Variants in NKAIN2 observed in about 807,000 individuals in gnomAD.
The protein encoded by NKAIN2 is sodium/potassium-transporting ATPase subunit beta-1-interacting protein 2.
Under a neutral mutation model 32.6 loss-of-function variants are expected in NKAIN2, and 14 were observed. The observed-to-expected ratio is 0.43, with a 90% CI of 0.28 to 0.67. NKAIN2 has a LOEUF of 0.67. Ranked by LOEUF, NKAIN2 falls within the 30% of genes least tolerant of loss-of-function variation. The pLI, the probability that NKAIN2 is intolerant of heterozygous loss-of-function variation, is 0.17. For synonymous variants in NKAIN2, 80 were observed against 87.2 expected (o/e 0.92, Z 0.46); for missense variants, 198 against 258.3 (o/e 0.77, Z 1.60).
At chr6:123,996,916 G>A (rs1379177990) in intron 1 of NKAIN2, among the ~76,000 whole-genome samples, 1 of 151,976 alleles carries the variant, frequency 6.6e-6, no homozygotes, top group African/African-American at 2.4e-5. Flanking sequence ...TTTTTTGAAT[G>A]GAAAAATAAC....
intron 1 of NKAIN2, among the ~76,000 whole-genome samples, chr6:124,034,611 C>T (rs1781533523): frequency 1.3e-5 from 2 of 152,002 alleles, no homozygotes; most frequent in South Asian, 2.1e-4. Flanking sequence ...GATAGAATTA[C>T]TTCTTTTCCT....
intron 3 of NKAIN2, among the ~76,000 whole-genome samples, chr6:124,597,350 A>G (rs1782133063): frequency 1.3e-5 from 2 of 151,814 alleles, no homozygotes; most frequent in African/African-American, 4.8e-5. Context: ...TATTTGGGAC[A>G]CACTTATACT....
chr6:124,327,315 A>G (rs568833729), intron 2 of NKAIN2, among the ~76,000 whole-genome samples: 145 of 151,854 alleles, frequency 9.5e-4, no homozygotes, highest in African/African-American at 3.4e-3. Flanking sequence ...TATATCTTCT[A>G]TTTTTTCTTT....
rs111982934 is a variant in NKAIN2, at chr6:124,056,445, A to G, written c.55-226560A>G. On this transcript the variant is annotated intron_variant, in intron 1 of 6. Transcript: ENST00000368417. ...GATATAGCCAAAAAGAAAAAAAAAGATAAAGGCCAGTTCTTGTGACATTTA... is the reference window on the plus strand; with the variant it reads ...GATATAGCCAAAAAGAAAAAAAAAGGTAAAGGCCAGTTCTTGTGACATTTA... Among the ~76,000 whole-genome samples the G allele has an allele frequency of 4.9e-4, 74 of 152,116 alleles. 1 individual carries two copies. The highest frequency in any genetic ancestry group is 1.7e-3 in the African/African-American group (72 of 41,534).
intron 1 of NKAIN2, among the ~76,000 whole-genome samples, chr6:124,206,924 T>G (rs2114645310): frequency 6.6e-6 from 1 of 151,870 alleles, no homozygotes; most frequent in Admixed American, 6.6e-5. Context: ...GGGATTAACA[T>G]CTCATATCTC....
At chr6:124,324,744 T>A (rs1005536525) in intron 2 of NKAIN2, among the ~76,000 whole-genome samples, 1 of 152,054 alleles carries the variant, frequency 6.6e-6, no homozygotes, top group African/African-American at 2.4e-5. Flanking sequence ...GAAATTCACC[T>A]ATATTTGTAT....
chr6:124,501,375 C>G (rs1778284191), intron 3 of NKAIN2, among the ~76,000 whole-genome samples: 1 of 152,164 alleles, frequency 6.6e-6, no homozygotes, highest in East Asian at 1.9e-4. Context: ...CATGTTAGAA[C>G]AGTGCCTGCC....
intron 1 of NKAIN2, among the ~76,000 whole-genome samples, chr6:123,951,824 C>G (rs1406792562): frequency 1.3e-5 from 2 of 151,312 alleles, no homozygotes; most frequent in African/African-American, 2.4e-5. Context: ...AGGTTTTATT[C>G]CTATACTTTT....
intron 3 of NKAIN2, among the ~76,000 whole-genome samples, chr6:124,486,407 G>A (rs1777651714): frequency 6.6e-6 from 1 of 152,134 alleles, no homozygotes; most frequent in Non-Finnish European, 1.5e-5. Context: ...TGTATGAAAT[G>A]TTTCTGGCAC....
intron 4 of NKAIN2, among the ~76,000 whole-genome samples, chr6:124,773,369 T>C (rs1778847985): frequency 6.6e-6 from 1 of 152,094 alleles, no homozygotes; most frequent in African/African-American, 2.4e-5. Flanking sequence ...AAGATTTGCA[T>C]TTCTTTTTTC....
chr6:124,142,783 G>A (rs948079761), intron 1 of NKAIN2, among the ~76,000 whole-genome samples: 1 of 152,042 alleles, frequency 6.6e-6, no homozygotes, highest in South Asian at 2.1e-4. Flanking sequence ...TATTTCTAAA[G>A]CATTCATTTT....
intron 3 of NKAIN2, among the ~76,000 whole-genome samples, chr6:124,589,170 T>C (rs1189000903): frequency 2.6e-5 from 4 of 152,168 alleles, no homozygotes; most frequent in Non-Finnish European, 1.5e-5. Flanking sequence ...AAAATATGTA[T>C]GCTTTAACAG....
chr6:124,352,812 C>T (rs1377439724), intron 2 of NKAIN2, among the ~76,000 whole-genome samples: 1 of 152,192 alleles, frequency 6.6e-6, no homozygotes, highest in Non-Finnish European at 1.5e-5. Context: ...AAGTTCCTCT[C>T]TTGCTACAGC....
intron 3 of NKAIN2, among the ~76,000 whole-genome samples, chr6:124,482,077 A>C (rs1221509067): frequency 1.3e-5 from 2 of 152,180 alleles, no homozygotes; most frequent in African/African-American, 4.8e-5. Context: ...TAAACCCTCA[A>C]AAATTTATCT....
At chr6:124,802,795 T>G (rs1780321295) in intron 5 of NKAIN2, among the ~76,000 whole-genome samples, 1 of 152,162 alleles carries the variant, frequency 6.6e-6, no homozygotes, top group South Asian at 2.1e-4. Flanking sequence ...AAAAGTTTTC[T>G]TCACCCTTAT....
chr6:123,971,794 C>T (rs1043619900), intron 1 of NKAIN2, among the ~76,000 whole-genome samples: 1 of 152,060 alleles, frequency 6.6e-6, no homozygotes, highest in Non-Finnish European at 1.5e-5. Context: ...AAGTTTGGCT[C>T]TTGTTTATAA....
chr6:124,393,490 C>A (rs6922519), intron 3 of NKAIN2, among the ~76,000 whole-genome samples: 3 of 152,068 alleles, frequency 2.0e-5, no homozygotes, highest in African/African-American at 7.2e-5. Context: ...TACAGACAAA[C>A]GCTTCTTCTC....
chr6:124,308,097 GC>G (rs1796579148), intron 2 of NKAIN2, among the ~76,000 whole-genome samples: 1 of 152,012 alleles, frequency 6.6e-6, no homozygotes, highest in South Asian at 2.1e-4. Flanking sequence ...TAGGTTTTAA[GC>G]CCCGCATGCA....
intron 3 of NKAIN2, among the ~76,000 whole-genome samples, chr6:124,546,967 A>G (rs1229745482): frequency 1.3e-5 from 2 of 152,228 alleles, no homozygotes; most frequent in Admixed American, 6.5e-5. Context: ...TGTGAAGTGC[A>G]CAGTCAACCT....
Sources: gnomAD v4.1 joint callset for allele counts (sites outside exome capture counted in the v4.1 genomes callset) on GRCh38, gnomAD v4.1.1 for gene constraint, MANE v1.5 for transcripts, NCBI Gene and HGNC (gene_info 2026-07-23, HGNC 2026-07-21) for gene names.